The following TP63 variants were observed in gnomAD, a reference collection of about 807,000 sequenced individuals.
TP63 encodes tumor protein 63.
Under a neutral mutation model 82.8 loss-of-function variants are expected in TP63, and 17 were observed. The observed-to-expected ratio is 0.21, with a 90% CI of 0.14 to 0.31. The LOEUF (loss-of-function observed/expected upper bound fraction) is 0.31, where lower values mean the gene tolerates loss of function less well. TP63 is among the 10% of genes least tolerant of loss of function. TP63 has a pLI of 1.00. For synonymous variants in TP63, 330 were observed against 321.7 expected, an observed-to-expected ratio of 1.03 and a Z score of -0.28; for missense variants, 648 against 895.3, an observed-to-expected ratio of 0.72 and a Z score of 3.52.
intron 4 of TP63, among the ~76,000 whole-genome samples, chr3:189,852,813 A>G (rs1052553817): frequency 6.6e-6 from 1 of 152,112 alleles, no homozygotes; most frequent in African/African-American, 2.4e-5. Context: ...GTGCCTTTCT[A>G]GCTCAGCCTC....
Position 189,894,578 on chromosome 3 carries a change from G to T in TP63, c.*76G>T. 6.4e-7 allele frequency: 1 copy of T among 1,553,004 alleles called. No individual in the cohort carries two copies. Among genetic ancestry groups the T allele is most frequent in the African/African-American group, 1.4e-5 (1 of 73,720 alleles). ...AAAGCACTCCTGCTTAATCTTCAAA[G>T]CCTTCTCCCTAGCTCCTCCCCTTCC... On this transcript the variant is annotated 3_prime_UTR_variant, in exon 14 of 14. Coordinates refer to ENST00000264731, the MANE Select transcript of TP63 (RefSeq NM_003722.5).
the TP63 span, among the ~76,000 whole-genome samples, chr3:189,619,605 C>T: frequency 0.091 from 13,886 of 152,088 alleles, 957 homozygotes; most frequent in East Asian, 0.4. Flanking sequence ...TTGTTAAGAG[C>T]CCTAAGTTTT....
At chr3:189,793,569 C>T (rs2108601561) in intron 3 of TP63, among the ~76,000 whole-genome samples, 1 of 152,128 alleles carries the variant, frequency 6.6e-6, no homozygotes, top group South Asian at 2.1e-4. Flanking sequence ...ACCACAAATA[C>T]ACCCTGGTTT....
At chr3:189,769,733 G>T (rs950813389) in intron 3 of TP63, among the ~76,000 whole-genome samples, 1 of 152,124 alleles carries the variant, frequency 6.6e-6, no homozygotes, top group Non-Finnish European at 1.5e-5. Flanking sequence ...GCCATTGTAG[G>T]CAATTATGTT....
At chr3:189,679,259 G>C (rs1264557079) in intron 1 of TP63, among the ~76,000 whole-genome samples, 1 of 151,896 alleles carries the variant, frequency 6.6e-6, no homozygotes, top group Non-Finnish European at 1.5e-5. Flanking sequence ...ACCAACAATA[G>C]GTTTGCTTTT....
At chr3:189,812,878 G>A in intron 4 of TP63, among the ~76,000 whole-genome samples, 1 of 152,214 alleles carries the variant, frequency 6.6e-6, no homozygotes, top group Non-Finnish European at 1.5e-5. Context: ...TTCAACTAAT[G>A]TTTTTTCTTA....
intron 1 of TP63, among the ~76,000 whole-genome samples, chr3:189,679,206 T>C (rs1030486053): frequency 2.0e-5 from 3 of 152,030 alleles, no homozygotes; most frequent in Non-Finnish European, 4.4e-5. Context: ...TCCGAGAAAC[T>C]TTTATACTGG....
chr3:189,705,288 A>C (rs1210433001), intron 1 of TP63, among the ~76,000 whole-genome samples: 1 of 152,168 alleles, frequency 6.6e-6, no homozygotes, highest in Non-Finnish European at 1.5e-5. Flanking sequence ...TCATATGTAA[A>C]ATGGGGATAG....
In TP63 at chr3:189,759,799, T is replaced by G. The variant is rs149116534; in HGVS notation, c.324+21025T>G. ...GAGTAGCTGTTGTATTACTCCATTT[T>G]CATGCTGCTGATAAAGACATACCCA... is the stretch of plus-strand genomic sequence containing the variant. On this transcript the variant is annotated intron_variant, in intron 3 of 13. Coordinates refer to ENST00000264731, the MANE Select transcript of TP63 (RefSeq NM_003722.5). 5.3e-5 allele frequency among the ~76,000 whole-genome samples: 8 copies of G among 152,324 alleles called. No homozygotes were observed. The East Asian group carries it at 9.6e-4, about 18-fold the overall frequency.
rs933138347 is a variant in TP63 at position 189,649,495 on chromosome 3, A to G, written c.62+17918A>G. Among the ~76,000 whole-genome samples, 27 of 146,616 alleles carry G rather than the reference A, an allele frequency of 1.8e-4. 5 individuals carry two copies. The highest frequency in any genetic ancestry group is 6.4e-4 in the African/African-American group (25 of 39,056). The stretch of plus-strand genomic sequence containing the variant: ...TGAAGGATAGAGGGTGAGAGGAAGG[A>G]GAGGATCAAAAAATAATAATTAATG... On this transcript the variant is annotated intron_variant, in intron 1 of 13. Coordinates refer to ENST00000264731, the MANE Select transcript of TP63 (RefSeq NM_003722.5).
At chr3:189,614,508 G>A in the TP63 span, among the ~76,000 whole-genome samples, 1 of 152,158 alleles carries the variant, frequency 6.6e-6, no homozygotes, top group Non-Finnish European at 1.5e-5. Context: ...CAGCACCCCA[G>A]GCAACTTTGC....
intron 3 of TP63, among the ~76,000 whole-genome samples, chr3:189,792,307 G>A (rs1725226477): frequency 6.6e-6 from 1 of 152,072 alleles, no homozygotes; most frequent in Admixed American, 6.6e-5. Flanking sequence ...ACTCCCCAGT[G>A]CCAGACTAGG....
At chr3:189,894,105 T>C in intron 13 of TP63, 101 bp from the exon 14 acceptor site, 2 of 1,424,206 alleles carry the variant, frequency 1.4e-6, no homozygotes, top group Non-Finnish European at 2.0e-6. Flanking sequence ...TAGATTCAGA[T>C]CAATTAAACC....
intron 9 of TP63, among the ~76,000 whole-genome samples, chr3:189,870,347 T>C (rs1718268337): frequency 6.6e-6 from 1 of 152,144 alleles, no homozygotes; most frequent in African/African-American, 2.4e-5. Flanking sequence ...CCAATCAAAA[T>C]AATACAAATA....
chr3:189,783,379 G>A (rs777627443), intron 3 of TP63, among the ~76,000 whole-genome samples: 3 of 151,816 alleles, frequency 2.0e-5, no homozygotes, highest in Non-Finnish European at 4.4e-5. Flanking sequence ...AAACCAAAAT[G>A]CTAATGGTGT....
intron 1 of TP63, among the ~76,000 whole-genome samples, chr3:189,701,593 C>A (rs1717812697): frequency 6.7e-6 from 1 of 148,792 alleles, no homozygotes; most frequent in Non-Finnish European, 1.5e-5. Context: ...TTAAGTTCAG[C>A]AGGAAATGTG....
At chr3:189,653,010 G>C (rs1268585607) in intron 1 of TP63, among the ~76,000 whole-genome samples, 1 of 148,236 alleles carries the variant, frequency 6.7e-6, no homozygotes, top group Non-Finnish European at 1.5e-5. Context: ...TATTAACAGT[G>C]TGATAATGGA....
chr3:189,771,355 A>ATAT (rs1356783013), intron 3 of TP63, among the ~76,000 whole-genome samples: 60 of 127,010 alleles, frequency 4.7e-4, no homozygotes, highest in African/African-American at 1.9e-3. Flanking sequence ...ATAATATATT[A>ATAT]AATATATAAT....
At chr3:189,773,376 A>G (rs1251801380) in intron 3 of TP63, among the ~76,000 whole-genome samples, 2 of 152,330 alleles carry the variant, frequency 1.3e-5, no homozygotes, top group Middle Eastern at 3.4e-3. Context: ...GCTTCAGGCC[A>G]TTGTGGCTCC....
Sources: allele counts gnomAD v4.1 joint callset (sites outside exome capture counted in the v4.1 genomes callset), GRCh38; gene constraint gnomAD v4.1.1; transcripts MANE v1.5; gene names NCBI Gene and HGNC (gene_info 2026-07-23, HGNC 2026-07-21).